GNAI2: variants seen among roughly 807,000 people sequenced by gnomAD.
The protein encoded by GNAI2 is guanine nucleotide-binding protein G(i) subunit alpha-2.
In GNAI2, 4 loss-of-function variants were observed where a neutral mutation model predicts 36.8. The observed-to-expected ratio is 0.11, with a 90% CI of 0.05 to 0.25. GNAI2 has a LOEUF of 0.25. GNAI2 is among the 10% of genes least tolerant of loss of function. The probability of loss-of-function intolerance (pLI) is 1.00; values close to 1 mark genes in which losing one functional copy is unlikely to be tolerated. For synonymous variants in GNAI2, 194 were observed against 194.1 expected (o/e 1.00, Z 0.01); for missense variants, 230 against 481.3 (o/e 0.48, Z 4.89).
upstream of GNAI2, among the ~76,000 whole-genome samples, chr3:50,232,864 GA>G (rs1191474154): frequency 6.6e-6 from 1 of 151,942 alleles, no homozygotes; most frequent in African/African-American, 2.4e-5. Context: ...AGGGGTAGGG[GA>G]GGGGGTCATT....
rs1553703710 is a variant in GNAI2 at position 50,258,948 on chromosome 3, A to T, written c.*605A>T. ...AAAACTTTTTAGAGAAAAACTATTT[A>T]AAACTGTCAGATCCTGACCAGCAAG... is the stretch of plus-strand genomic sequence containing the variant. On this transcript the variant is annotated 3_prime_UTR_variant, in exon 9 of 9. Transcript: ENST00000313601. 2 of 449,144 alleles carry T rather than the reference A, an allele frequency of 4.5e-6. No homozygotes were observed. The highest frequency in any genetic ancestry group is 3.2e-5 in the South Asian group (2 of 62,632). 27.8% of individuals were successfully genotyped at this position (449,144 alleles called of 1,614,324 possible).
chr3:50,247,045 A>G, intron 1 of GNAI2: 2 of 934,846 alleles, frequency 2.1e-6, no homozygotes, highest in Non-Finnish European at 3.4e-6. Context: ...TGACCACAGC[A>G]GTCTTCTCTG....
Position 50,256,339 on chromosome 3 carries a change from A to G in GNAI2, c.593+19A>G, listed in dbSNP as rs782367988. 2.6e-5 allele frequency: 42 copies of G among 1,612,794 alleles called. No individual in the cohort carries two copies. The highest frequency in any genetic ancestry group is 2.2e-5 in the East Asian group (1 of 44,886). On this transcript the variant is annotated intron_variant, in intron 5 of 8. Transcript: ENST00000313601. ...ACTTCAAGTGAGCGAGCATGTGGAC[A>G]GGTGGGAGGGGCAGGACCTGCCAGC...
chr3:50,257,749 A>G, intron 8 of GNAI2, 35 bp downstream of exon 8: 1 of 1,059,316 alleles, frequency 9.4e-7, no homozygotes, highest in Non-Finnish European at 1.3e-6. Flanking sequence ...GTGCTGGGGA[A>G]GAACTAAGCG....
chr3:50,256,482 TC>T, intron 5 of GNAI2, 162 bp downstream of exon 5: 1 of 741,264 alleles, frequency 1.3e-6, no homozygotes, highest in Non-Finnish European at 2.3e-6. Context: ...GCAGTCAGGA[TC>T]CACGCCACCT....
At chr3:50,235,650 C>T (rs1553700226), upstream of GNAI2, among the ~76,000 whole-genome samples, 1 of 152,148 alleles carries the variant, frequency 6.6e-6, no homozygotes, top group Non-Finnish European at 1.5e-5. Context: ...TAGCTGCAAC[C>T]CAGAGGGAGA....
intron 1 of GNAI2, chr3:50,246,837 A>C (rs1274694407): frequency 8.0e-7 from 1 of 1,251,000 alleles, no homozygotes; most frequent in Non-Finnish European, 1.1e-6. Flanking sequence ...GCTGTGTAGG[A>C]GTGCCGGGTT....
At chr3:50,228,094 C>T (rs587646996), upstream of GNAI2, among the ~76,000 whole-genome samples, 103 of 152,310 alleles carry the variant, frequency 6.8e-4, no homozygotes, top group Non-Finnish European at 1.3e-3. Context: ...TATAATTGCT[C>T]CCCGCCCCCT....
chr3:50,257,318 A>G (rs1230345109), intron 7 of GNAI2, among the ~76,000 whole-genome samples, 182 bp from the exon 8 acceptor site: 2 of 152,180 alleles, frequency 1.3e-5, no homozygotes, highest in Non-Finnish European at 2.9e-5. Flanking sequence ...ATCCTCCTTC[A>G]CACAGTGGGG....
chr3:50,234,440 C>T (rs1402161448), upstream of GNAI2, among the ~76,000 whole-genome samples: 1 of 151,852 alleles, frequency 6.6e-6, no homozygotes, highest in African/African-American at 2.4e-5. Flanking sequence ...CAACCTCCGC[C>T]TCCTGGGTTC....
upstream of GNAI2, among the ~76,000 whole-genome samples, chr3:50,233,290 C>T (rs1444908231): frequency 6.6e-5 from 10 of 152,148 alleles, no homozygotes; most frequent in African/African-American, 2.2e-4. Context: ...TTCCAGTAGC[C>T]CCATCTTGCC....
intron 1 of GNAI2, among the ~76,000 whole-genome samples, chr3:50,243,055 G>A (rs1700329892): frequency 6.6e-6 from 1 of 152,248 alleles, no homozygotes; most frequent in Non-Finnish European, 1.5e-5. Context: ...CCAGAGGGCT[G>A]CCTGGTGCTA....
In GNAI2 at chr3:50,258,441, C is replaced by T. The variant is rs1394263856; in HGVS notation, c.*98C>T. ...AGAAGATCACGCTCCCCGCCTGTTC[C>T]CCCGCCGCTTTTCTCCTCTTTCCTC... On this transcript the variant is annotated 3_prime_UTR_variant, in exon 9 of 9. Transcript: ENST00000313601. The T allele has an allele frequency of 1.3e-5, 2 of 156,404 alleles. No individual in the cohort carries two copies. Among genetic ancestry groups the T allele is most frequent in the Non-Finnish European group, 2.8e-5 (2 of 70,590 alleles). 9.7% of individuals were successfully genotyped at this position (156,404 alleles called of 1,614,324 possible). A position where few individuals can be genotyped will look rare whatever the true frequency, so the allele number is the denominator to read the frequency against.
At chr3:50,248,060 C>A (rs1249628199) in intron 1 of GNAI2, among the ~76,000 whole-genome samples, 1 of 152,220 alleles carries the variant, frequency 6.6e-6, no homozygotes, top group Non-Finnish European at 1.5e-5. Flanking sequence ...CATGGTGAAA[C>A]CCTGTCTCTA....
At chr3:50,247,652 A>G (rs1700454569) in intron 1 of GNAI2, among the ~76,000 whole-genome samples, 1 of 152,218 alleles carries the variant, frequency 6.6e-6, no homozygotes. Context: ...AAGTGGAAGC[A>G]GATGTTCTAG....
chr3:50,249,350 G>C (rs587598987), intron 1 of GNAI2, among the ~76,000 whole-genome samples: 1 of 152,318 alleles, frequency 6.6e-6, no homozygotes, highest in Non-Finnish European at 1.5e-5. Flanking sequence ...TGAGCCCCAG[G>C]GGGATGGGCC....
upstream of GNAI2, chr3:50,227,223 A>T (rs762849329): frequency 1.9e-5 from 25 of 1,344,000 alleles, no homozygotes; most frequent in South Asian, 2.5e-4. The surrounding 1 kb of genome is among the most constrained non-coding windows in gnomAD (Gnocchi z 5.9). Flanking sequence ...CGCGGAGGAG[A>T]CCCTGGCGAG....
intron 7 of GNAI2, 72 bp downstream of exon 7, chr3:50,257,162 G>A (rs1700722272): frequency 1.5e-6 from 2 of 1,306,966 alleles, no homozygotes; most frequent in Non-Finnish European, 2.2e-6. Context: ...TGACCAGGTG[G>A]CCCTCAGGCG....
upstream of GNAI2, among the ~76,000 whole-genome samples, chr3:50,233,785 C>A (rs1017764874): frequency 1.3e-5 from 2 of 152,024 alleles, no homozygotes; most frequent in African/African-American, 4.8e-5. Flanking sequence ...GACTTCCAGG[C>A]CAATGACCCC....
Sources: allele counts gnomAD v4.1 joint callset (sites outside exome capture counted in the v4.1 genomes callset), GRCh38; gene constraint gnomAD v4.1.1; non-coding constraint Gnocchi (gnomAD v3.1); transcripts MANE v1.5; gene names NCBI Gene and HGNC (gene_info 2026-07-23, HGNC 2026-07-21).